SYN2: variants seen among roughly 807,000 people sequenced by gnomAD.
SYN2 encodes synapsin-2.
In SYN2, 19 loss-of-function variants were observed where a neutral mutation model predicts 50.9. The observed-to-expected ratio is 0.37, with a 90% CI of 0.26 to 0.55. The LOEUF (loss-of-function observed/expected upper bound fraction) is 0.55, where lower values mean the gene tolerates loss of function less well. Among genes scored for constraint, SYN2 ranks in the 20% least tolerant of loss-of-function variants. The pLI is 0.81. For missense variants in SYN2, 587 were observed against 576.4 expected, an observed-to-expected ratio of 1.02 and a Z score of -0.19; for synonymous variants, 255 against 224.9, an observed-to-expected ratio of 1.13 and a Z score of -1.20.
At chr3:12,054,522 G>A (rs781200725) in intron 1 of SYN2, among the ~76,000 whole-genome samples, 14 of 152,220 alleles carry the variant, frequency 9.2e-5, no homozygotes, top group Non-Finnish European at 1.6e-4. Context: ...CAAAAGATTT[G>A]TCTGATTCAA....
chr3:12,093,612 A>G (rs1008186547), intron 1 of SYN2, among the ~76,000 whole-genome samples: 1 of 152,192 alleles, frequency 6.6e-6, no homozygotes, highest in African/African-American at 2.4e-5. Flanking sequence ...ACTTAGTAGT[A>G]ACGATACTTT....
intron 10 of SYN2, among the ~76,000 whole-genome samples, chr3:12,171,657 C>T (rs1158929223): frequency 1.3e-5 from 2 of 152,196 alleles, no homozygotes; most frequent in African/African-American, 4.8e-5. Context: ...GTCAGGAGAC[C>T]TGCATTTAGC....
chr3:12,168,407 A>G lies in SYN2; in HGVS notation c.1087A>G (p.Met363Val), dbSNP rs1292660349. 1 of 1,613,920 alleles carries G rather than the reference A, an allele frequency of 6.2e-7. No homozygotes were observed. Reference sequence around the variant, plus strand: ...ACTGTGGGTGGACACCTGCTCTGAGATGTTTGGCGGCCTGGACATCTGTGC... The same window carrying G: ...ACTGTGGGTGGACACCTGCTCTGAGGTGTTTGGCGGCCTGGACATCTGTGC... Reference protein sequence around the residue: ...YKLWVDTCSEMFGGLDICAVK... With the variant: ...YKLWVDTCSEVFGGLDICAVK... The change falls in exon 9 of 13, where the codon ATG becomes GTG. Residue 363 changes from methionine (M) to valine (V), a missense_variant. Transcript: ENST00000621198.
chr3:12,023,296 T>A (rs1694184595), intron 1 of SYN2, among the ~76,000 whole-genome samples: 1 of 152,220 alleles, frequency 6.6e-6, no homozygotes, highest in African/African-American at 2.4e-5. Flanking sequence ...GCTAGGTTTA[T>A]TCTTCATATT....
intron 1 of SYN2, among the ~76,000 whole-genome samples, chr3:12,032,043 G>A (rs990930798): frequency 2.3e-5 from 3 of 133,030 alleles, no homozygotes; most frequent in East Asian, 2.2e-4. Context: ...CATGTTTAGC[G>A]CTTCCTTGAG....
rs74488455 is a variant in SYN2 at position 12,109,889 on chromosome 3, C to G, written c.378-30762C>G. Among the ~76,000 whole-genome samples, 1,002 of 152,254 alleles carry G rather than the reference C, an allele frequency of 6.6e-3. 6 individuals are homozygous for G. The highest frequency in any genetic ancestry group is 0.023 in the African/African-American group (954 of 41,544). ...TTTTTAAATAAAACCTCTGTATTTT[C>G]TTTTTTAAAATAGTGATATACTGGG... On this transcript the variant is annotated intron_variant, in intron 1 of 12. Transcript: ENST00000621198.
At chr3:12,186,759 G>A (rs989868632) in intron 11 of SYN2, among the ~76,000 whole-genome samples, 5 of 152,188 alleles carry the variant, frequency 3.3e-5, no homozygotes, top group South Asian at 2.1e-4. Context: ...AGTGACCATC[G>A]AGGTGATCAT....
chr3:12,155,678 A>G (rs376270887), intron 5 of SYN2, among the ~76,000 whole-genome samples: 14 of 152,210 alleles, frequency 9.2e-5, no homozygotes, highest in African/African-American at 3.4e-4. Flanking sequence ...CCTGGGCACC[A>G]TTGATAACTT....
At chr3:12,064,409 A>C (rs1427786006) in intron 1 of SYN2, among the ~76,000 whole-genome samples, 2 of 152,088 alleles carry the variant, frequency 1.3e-5, no homozygotes, top group Admixed American at 1.3e-4. Context: ...ACTTCATCAA[A>C]ATTTAAAACT....
chr3:12,174,530 T>A (rs1341883796), intron 10 of SYN2, among the ~76,000 whole-genome samples: 1 of 152,172 alleles, frequency 6.6e-6, no homozygotes, highest in African/African-American at 2.4e-5. Context: ...GTCACCAGGC[T>A]GGAGTGTGGT....
intron 9 of SYN2, among the ~76,000 whole-genome samples, chr3:12,168,873 T>C (rs1289180785): frequency 6.6e-6 from 1 of 152,132 alleles, no homozygotes; most frequent in East Asian, 1.9e-4. Flanking sequence ...TTAGTGTCTC[T>C]CTGAGCCTTG....
At chr3:12,151,084 G>A (rs1405069355) in intron 4 of SYN2, among the ~76,000 whole-genome samples, 153 bp from the exon 5 acceptor site, 1 of 152,136 alleles carries the variant, frequency 6.6e-6, no homozygotes, top group African/African-American at 2.4e-5. Context: ...CATATCCTTG[G>A]AAATAGGAAT....
In SYN2 at chr3:12,027,980, CTTTTTTTTA is replaced by C. The variant is rs1311893246; in HGVS notation, c.377+23060_377+23068del. ...TTTTTTTTTTTACTGTGCTCTACTT[CTTTTTTTTA>C]TTTTTTTATTTTTTTATTTTTATTT... On this transcript the variant is annotated intron_variant, in intron 1 of 12. Coordinates refer to ENST00000621198, the MANE Select transcript of SYN2 (RefSeq NM_133625.6). Among the ~76,000 whole-genome samples, 394 of 145,980 alleles carry C rather than the reference CTTTTTTTTA, an allele frequency of 2.7e-3. 1 individual carries two copies. Among genetic ancestry groups the C allele is most frequent in the African/African-American group, 9.6e-3 (371 of 38,744 alleles).
At chr3:12,070,395 G>T in intron 1 of SYN2, 1 of 531,110 alleles carries the variant, frequency 1.9e-6, no homozygotes. Flanking sequence ...TGGGTGATGA[G>T]GCCCAGAGCA....
At position 12,145,687 on chromosome 3, in the gene SYN2, G is replaced by A. The variant is rs778458980; in HGVS notation, c.536G>A (p.Arg179Gln). 63 of 1,613,780 alleles carry A rather than the reference G, an allele frequency of 3.9e-5. No homozygotes were observed. Among genetic ancestry groups the A allele is most frequent in the South Asian group, 2.0e-4 (18 of 91,074 alleles). The change falls in exon 4 of 13, where the codon CGG becomes CAG. Residue 179 changes from arginine to glutamine, a missense_variant. Arg to Gln is a conservative substitution (Grantham distance 43). Transcript: ENST00000621198. Reference sequence around the variant, plus strand: ...CTCTACCTTCTCACCAGGTCCTTCCGGCCAGACTTCGTGCTCATCCGGCAG... The same window carrying A: ...CTCTACCTTCTCACCAGGTCCTTCCAGCCAGACTTCGTGCTCATCCGGCAG... ...RNGTKVVRSFRPDFVLIRQHA... is the reference protein window; with the variant it reads ...RNGTKVVRSFQPDFVLIRQHA...
chr3:12,134,689 T>A (rs308967), intron 1 of SYN2, among the ~76,000 whole-genome samples: 142,268 of 152,320 alleles, frequency 0.93, 66,531 homozygotes, highest in East Asian at 1. Flanking sequence ...CTCCACTGAC[T>A]TATGAGGTAG....
At chr3:12,081,736 C>A (rs1032010110) in intron 1 of SYN2, among the ~76,000 whole-genome samples, 1 of 152,146 alleles carries the variant, frequency 6.6e-6, no homozygotes, top group Non-Finnish European at 1.5e-5. Context: ...TTCCACCAAT[C>A]CTCAGGTTTT....
chr3:12,094,343 GACA>G (rs961195544), intron 1 of SYN2, among the ~76,000 whole-genome samples: 1 of 152,120 alleles, frequency 6.6e-6, no homozygotes, highest in African/African-American at 2.4e-5. Flanking sequence ...GAGTGTAAAA[GACA>G]ACATTTATTG....
intron 1 of SYN2, among the ~76,000 whole-genome samples, chr3:12,108,753 G>C (rs1696254474): frequency 6.6e-6 from 1 of 151,272 alleles, no homozygotes; most frequent in Non-Finnish European, 1.5e-5. Context: ...GGGCATTGCA[G>C]TGGGGTCCTA....
Sources: gnomAD v4.1 joint callset for allele counts (sites outside exome capture counted in the v4.1 genomes callset) on GRCh38, gnomAD v4.1.1 for gene constraint, MANE v1.5 for transcripts, NCBI Gene and HGNC (gene_info 2026-07-23, HGNC 2026-07-21) for gene names.